PDZD2: variants seen among roughly 807,000 people sequenced by gnomAD.
PDZD2 encodes PDZ domain-containing protein 2.
Under a neutral mutation model 220.7 loss-of-function variants are expected in PDZD2, and 90 were observed. The ratio of observed to expected loss-of-function variants is 0.41; its 90% CI spans 0.34 to 0.49. The LOEUF (loss-of-function observed/expected upper bound fraction) is 0.49. Ranked by LOEUF, PDZD2 falls within the 20% of genes least tolerant of loss-of-function variation. The probability of loss-of-function intolerance (pLI) is 0.28; values close to 1 mark genes in which losing one functional copy is unlikely to be tolerated. For missense variants in PDZD2, 3,174 were observed against 3,608.5 expected (o/e 0.88, Z 3.08); for synonymous variants, 1,375 against 1,450.5 (o/e 0.95, Z 1.18).
intron 6 of PDZD2, among the ~76,000 whole-genome samples, chr5:32,014,828 G>A (rs1170133289): frequency 1.4e-5 from 2 of 146,928 alleles, no homozygotes; most frequent in Middle Eastern, 3.7e-3. Flanking sequence ...CGATTCTTCC[G>A]CCTCAGTCTC....
chr5:31,970,110 G>A (rs1749164181), intron 2 of PDZD2, among the ~76,000 whole-genome samples: 1 of 152,024 alleles, frequency 6.6e-6, no homozygotes. Flanking sequence ...GTTGAGGCTG[G>A]TCTCGAACTC....
chr5:31,920,887 TG>T (rs1212529493), intron 2 of PDZD2, among the ~76,000 whole-genome samples: 4 of 152,218 alleles, frequency 2.6e-5, no homozygotes, highest in African/African-American at 9.7e-5. Flanking sequence ...CCCTTCAGAT[TG>T]GCTGCTTTCA....
At chr5:31,947,733 C>T (rs954626636) in intron 2 of PDZD2, among the ~76,000 whole-genome samples, 3 of 152,168 alleles carry the variant, frequency 2.0e-5, no homozygotes, top group Non-Finnish European at 2.9e-5. Flanking sequence ...TGGAAAATCG[C>T]TTAAACCTGG....
rs1444256785 is a variant in PDZD2, at chr5:32,052,527, C to A, written c.1666-84C>A. The A allele has an allele frequency of 1.0e-5, 13 of 1,287,110 alleles. No individual in the cohort carries two copies. The East Asian group carries it at 2.6e-4, about 25-fold the overall frequency. The allele number at this position is 1,287,110 out of a possible 1,614,324, so 79.7% of individuals were successfully genotyped here. A position where few individuals can be genotyped will look rare whatever the true frequency, so the allele number is the denominator to read the frequency against. Reference sequence around the variant, plus strand: ...TAGTACTGAAGACATCTAAGATTTTCAAAGTCTGAGTGTATTTTTCTGCCA... The same window carrying A: ...TAGTACTGAAGACATCTAAGATTTTAAAAGTCTGAGTGTATTTTTCTGCCA... On this transcript the variant is annotated intron_variant, in intron 8 of 24. Coordinates refer to ENST00000438447, the MANE Select transcript of PDZD2 (RefSeq NM_178140.4).
chr5:31,962,016 C>A (rs1424010594), intron 2 of PDZD2, among the ~76,000 whole-genome samples: 2 of 152,170 alleles, frequency 1.3e-5, no homozygotes, highest in African/African-American at 4.8e-5. Context: ...AACAAATTTT[C>A]TTTAGACAGG....
chr5:32,081,866 C>T (rs1004477048), intron 19 of PDZD2, among the ~76,000 whole-genome samples: 8 of 151,806 alleles, frequency 5.3e-5, no homozygotes, highest in Admixed American at 2.0e-4. Context: ...GGACTACAGG[C>T]GTCCGCCACC....
At chr5:31,719,445 CA>C (rs1748649371) in intron 1 of PDZD2, among the ~76,000 whole-genome samples, 1 of 152,108 alleles carries the variant, frequency 6.6e-6, no homozygotes, top group Admixed American at 6.6e-5. Flanking sequence ...AACTTGCCGA[CA>C]AAACAGTAGC....
intron 2 of PDZD2, among the ~76,000 whole-genome samples, chr5:31,897,394 T>C (rs1741664068): frequency 6.6e-6 from 1 of 152,160 alleles, no homozygotes; most frequent in South Asian, 2.1e-4. Flanking sequence ...GCCAGTATGA[T>C]CCCTTTGTCC....
At chr5:31,871,534 G>A (rs545634424) in intron 2 of PDZD2, among the ~76,000 whole-genome samples, 3 of 151,330 alleles carry the variant, frequency 2.0e-5, no homozygotes, top group South Asian at 4.2e-4. Flanking sequence ...TCAGTGCAAC[G>A]TCCGCCTCCT....
chr5:32,007,060 C>T (rs1256368482), intron 5 of PDZD2, among the ~76,000 whole-genome samples: 2 of 151,916 alleles, frequency 1.3e-5, no homozygotes, highest in African/African-American at 4.8e-5. Flanking sequence ...GGACTACAGG[C>T]GCCCGCCACC....
At chr5:31,853,665 A>G (rs1340283181) in intron 2 of PDZD2, among the ~76,000 whole-genome samples, 2 of 152,168 alleles carry the variant, frequency 1.3e-5, no homozygotes, top group Non-Finnish European at 2.9e-5. Context: ...TGCCTCCTCC[A>G]TTATAATTAA....
chr5:31,961,071 C>G (rs1340242893), intron 2 of PDZD2, among the ~76,000 whole-genome samples: 1 of 152,184 alleles, frequency 6.6e-6, no homozygotes, highest in African/African-American at 2.4e-5. Context: ...AGACTGACCC[C>G]CTTCTAGGTC....
At chr5:31,924,605 C>A (rs1314604267) in intron 2 of PDZD2, among the ~76,000 whole-genome samples, 1 of 152,190 alleles carries the variant, frequency 6.6e-6, no homozygotes, top group Non-Finnish European at 1.5e-5. Context: ...TCTGGATACT[C>A]TTCATCTTCC....
intron 1 of PDZD2, among the ~76,000 whole-genome samples, chr5:31,675,556 C>A (rs1440473310): frequency 1.3e-5 from 2 of 152,148 alleles, no homozygotes; most frequent in Non-Finnish European, 2.9e-5. Context: ...AAAAATGCTC[C>A]AAGAAAGAAA....
intron 1 of PDZD2, among the ~76,000 whole-genome samples, chr5:31,721,846 C>T (rs908964230): frequency 1.3e-5 from 2 of 151,958 alleles, no homozygotes; most frequent in African/African-American, 4.8e-5. Flanking sequence ...TGGCGGAGAT[C>T]GGTTTACAGA....
At chr5:31,998,123 G>A (rs953884722) in intron 4 of PDZD2, among the ~76,000 whole-genome samples, 3 of 152,136 alleles carry the variant, frequency 2.0e-5, no homozygotes, top group African/African-American at 7.2e-5. Context: ...TGGTCTTGAT[G>A]GCATTCTGAA....
intron 2 of PDZD2, among the ~76,000 whole-genome samples, chr5:31,886,178 C>T (rs796367867): frequency 6.6e-5 from 10 of 152,266 alleles, no homozygotes; most frequent in South Asian, 4.1e-4. Context: ...AGGTTACAGG[C>T]GTGAGCCACT....
intron 2 of PDZD2, among the ~76,000 whole-genome samples, chr5:31,875,844 C>T (rs778502812): frequency 2.0e-5 from 3 of 151,734 alleles, no homozygotes; most frequent in Non-Finnish European, 4.4e-5. Context: ...TTTGTCTATT[C>T]CTGCATCAAT....
chr5:31,689,351 A>ATTTTTTTTTTCTT (rs1288275783), intron 1 of PDZD2, among the ~76,000 whole-genome samples: 6 of 28,186 alleles, frequency 2.1e-4, no homozygotes, highest in African/African-American at 3.0e-4. Flanking sequence ...ATATATATAT[A>ATTTTTTTTTTCTT]TATTTTTTTT....
Sources: gnomAD v4.1 joint callset for allele counts (sites outside exome capture counted in the v4.1 genomes callset) on GRCh38, gnomAD v4.1.1 for gene constraint, MANE v1.5 for transcripts, NCBI Gene and HGNC (gene_info 2026-07-23, HGNC 2026-07-21) for gene names.